DEF6: variants seen among roughly 807,000 people sequenced by gnomAD.
The protein encoded by DEF6 is differentially expressed in FDCP 6 homolog.
In DEF6, 32 loss-of-function variants were observed where a neutral mutation model predicts 80.5. The observed-to-expected ratio is 0.40, with a 90% CI of 0.30 to 0.53. The LOEUF is 0.53. Among genes scored for constraint, DEF6 ranks in the 20% least tolerant of loss-of-function variants. The pLI is 0.57. For synonymous variants in DEF6, 300 were observed against 337.9 expected (o/e 0.89, Z 1.23); for missense variants, 575 against 818.7 (o/e 0.70, Z 3.63).
chr6:35,310,074 C>T (rs772846598), intron 2 of DEF6, among the ~76,000 whole-genome samples: 2 of 152,038 alleles, frequency 1.3e-5, no homozygotes, highest in Non-Finnish European at 2.9e-5. Flanking sequence ...AATCCCTGCC[C>T]GGCCCTCCTC....
chr6:35,306,830 A>G (rs143244741), intron 1 of DEF6, among the ~76,000 whole-genome samples: 218 of 152,354 alleles, frequency 1.4e-3, no homozygotes, highest in African/African-American at 4.3e-3. Context: ...TGCACTATGC[A>G]CCAGGTACTC....
chr6:35,321,023 A>T, intron 10 of DEF6, 49 bp downstream of exon 10: 1 of 1,603,490 alleles, frequency 6.2e-7, no homozygotes, highest in Non-Finnish European at 8.5e-7. Flanking sequence ...GGAGGGAGAA[A>T]GGAGGGAGAA....
chr6:35,300,077 A>G (rs1791295017), intron 1 of DEF6, among the ~76,000 whole-genome samples: 1 of 152,194 alleles, frequency 6.6e-6, no homozygotes, highest in African/African-American at 2.4e-5. Flanking sequence ...GCTGGAGTGC[A>G]GTGGTGCAGT....
chr6:35,301,744 T>TTTTA (rs3045131), intron 1 of DEF6, among the ~76,000 whole-genome samples: 1 of 150,958 alleles, frequency 6.6e-6, no homozygotes, highest in Non-Finnish European at 1.5e-5. Context: ...TTTTTTTTTT[T>TTTTA]AAGACAGAGT....
chr6:35,298,867 G>A (rs182759710), intron 1 of DEF6, among the ~76,000 whole-genome samples: 103 of 152,284 alleles, frequency 6.8e-4, no homozygotes, highest in African/African-American at 2.3e-3. Context: ...CCCCTCGTGA[G>A]GCTCTGTGCC....
In DEF6 at chr6:35,312,581, G is replaced by T. The variant is rs1791482175; in HGVS notation, c.660+43G>T. The T allele has an allele frequency of 5.0e-6, 8 of 1,614,130 alleles. No homozygotes were observed. Among genetic ancestry groups the T allele is most frequent in the East Asian group, 2.2e-5 (1 of 44,884 alleles). ...CTAGGGGAAGCACACAAGGTGCAGGGCGAAGGGGGGCCTGGGAAGCCTCTG... is the reference window on the plus strand; with the variant it reads ...CTAGGGGAAGCACACAAGGTGCAGGTCGAAGGGGGGCCTGGGAAGCCTCTG... On this transcript the variant is annotated intron_variant, in intron 4 of 10. Coordinates refer to ENST00000316637, the MANE Select transcript of DEF6 (RefSeq NM_022047.4). The surrounding 1 kb of genome is among the most constrained non-coding windows in gnomAD (Gnocchi z 6.6).
chr6:35,310,730 C>A, intron 3 of DEF6, 86 bp downstream of exon 3: 1 of 1,349,164 alleles, frequency 7.4e-7, no homozygotes, highest in Non-Finnish European at 1.1e-6. Flanking sequence ...ACCTTTGGTG[C>A]CTTCCCATAT....
In DEF6 at chr6:35,319,784, C is replaced by T. The variant is rs1562151026; in HGVS notation, c.1383-35C>T. 1 of 1,608,726 alleles carries T rather than the reference C, an allele frequency of 6.2e-7. No individual in the cohort carries two copies. The highest frequency in any genetic ancestry group is 8.5e-7 in the Non-Finnish European group (1 of 1,177,356). On this transcript the variant is annotated intron_variant, in intron 8 of 10. Transcript: ENST00000316637. This position sits in a 1 kb window ranked among gnomAD's most constrained non-coding sequence, Gnocchi z 4.5. ...GCTGTGCACCTGCAAGGTGCCTTGGCACTAGAGGCTACACAGTACACACTC... is the reference window on the plus strand; with the variant it reads ...GCTGTGCACCTGCAAGGTGCCTTGGTACTAGAGGCTACACAGTACACACTC...
At chr6:35,301,502 A>G (rs1791314262) in intron 1 of DEF6, among the ~76,000 whole-genome samples, 1 of 152,188 alleles carries the variant, frequency 6.6e-6, no homozygotes, top group Non-Finnish European at 1.5e-5. Flanking sequence ...TACCTCAAGT[A>G]GGTAAAATTG....
At chr6:35,303,353 C>T (rs1014298136) in intron 1 of DEF6, among the ~76,000 whole-genome samples, 4 of 152,134 alleles carry the variant, frequency 2.6e-5, no homozygotes, top group African/African-American at 9.7e-5. Flanking sequence ...TCTCCTAAGA[C>T]TCCCTTTTTA....
chr6:35,304,694 A>G (rs1191326317), intron 1 of DEF6, among the ~76,000 whole-genome samples: 1 of 152,140 alleles, frequency 6.6e-6, no homozygotes, highest in Non-Finnish European at 1.5e-5. Flanking sequence ...AGAAACATTC[A>G]GTGAATGGGG....
Position 35,312,740 on chromosome 6 carries a change from A to T in DEF6, c.775A>T (p.Ile259Phe). The change falls in exon 5 of 11, where the codon ATT becomes TTT. Residue 259 changes from isoleucine to phenylalanine, a missense_variant. By Grantham distance (21) the Ile-to-Phe change is conservative. Transcript: ENST00000316637. This position sits in a 1 kb window ranked among gnomAD's most constrained non-coding sequence, Gnocchi z 6.6. ...GSEECKEKRG[I>F]IPLDAHCCVE... Reference sequence around the variant, plus strand: ...TGAAGAGTGCAAAGAGAAAAGGGGCATTATCCCGCTGGATGCACACTGCTG... The same window carrying T: ...TGAAGAGTGCAAAGAGAAAAGGGGCTTTATCCCGCTGGATGCACACTGCTG... 1 of 1,609,986 alleles carries T rather than the reference A, an allele frequency of 6.2e-7. No individual in the cohort carries two copies. The highest frequency in any genetic ancestry group is 8.5e-7 in the Non-Finnish European group (1 of 1,177,892).
Position 35,321,513 on chromosome 6 carries a change from C to T in DEF6, c.*103C>T. On this transcript the variant is annotated 3_prime_UTR_variant, in exon 11 of 11. Transcript: ENST00000316637. ...TCTTACTAGGAGAGGGAGCTGAGGT[C>T]CTGGTGCCAGGGGCCCAGGCCCTCC... 3.5e-6 allele frequency: 4 copies of T among 1,146,666 alleles called. No individual in the cohort carries two copies. The highest frequency in any genetic ancestry group is 4.9e-6 in the Non-Finnish European group (4 of 809,802). The allele number at this position is 1,146,666 out of a possible 1,614,324, so 71.0% of individuals were successfully genotyped here. A position where few individuals can be genotyped will look rare whatever the true frequency, so the allele number is the denominator to read the frequency against.
In DEF6 at chr6:35,310,537, G is replaced by C. The variant is rs202091466; in HGVS notation, c.316G>C (p.Asp106His). 138 of 1,614,088 alleles carry C rather than the reference G, an allele frequency of 8.5e-5. No homozygotes were observed. Among genetic ancestry groups the C allele is most frequent in the Middle Eastern group, 3.3e-4 (2 of 6,084 alleles). ...GACGGCCAAGAAGAACTATCGGGCA[G>C]ATAGCAACGGGAACAGTATGCTCTC... is the stretch of plus-strand genomic sequence containing the variant. Reference protein sequence around the residue: ...TLTAKKNYRADSNGNSMLSNQ... With the variant: ...TLTAKKNYRAHSNGNSMLSNQ... Residue 106 changes from aspartate to histidine, a missense_variant, in exon 3 of 11, where the codon GAT becomes CAT. Asp to His is a moderately conservative substitution (Grantham distance 81, BLOSUM62 -1). Coordinates refer to ENST00000316637, the MANE Select transcript of DEF6 (RefSeq NM_022047.4).
chr6:35,314,822 T>A (rs1409633772), intron 5 of DEF6, among the ~76,000 whole-genome samples: 1 of 66,694 alleles, frequency 1.5e-5, no homozygotes, highest in East Asian at 3.5e-4. Context: ...TTTTGAGGTC[T>A]TCCACAAAAA....
In DEF6 at chr6:35,319,004, G is replaced by A. The variant is rs1791555773; in HGVS notation, c.1216-520G>A. On this transcript the variant is annotated intron_variant, in intron 7 of 10. Transcript: ENST00000316637. This position sits in a 1 kb window ranked among gnomAD's most constrained non-coding sequence, Gnocchi z 4.5. ...TTACGAGCCCCGTGATCCCAGGCAA[G>A]TTCATTTTACTGAGCCTTATCAGTA... Among the ~76,000 whole-genome samples the A allele has an allele frequency of 6.6e-6, 1 of 152,102 alleles. No homozygotes were observed. The highest frequency in any genetic ancestry group is 1.5e-5 in the Non-Finnish European group (1 of 68,018).
In DEF6 at chr6:35,312,130, C is replaced by T. The variant is rs1221588595; in HGVS notation, c.424-172C>T. Among the ~76,000 whole-genome samples the T allele has an allele frequency of 6.6e-6, 1 of 152,098 alleles. No homozygotes were observed. Among genetic ancestry groups the T allele is most frequent in the African/African-American group, 2.4e-5 (1 of 41,398 alleles). The stretch of plus-strand genomic sequence containing the variant: ...TGAGTTGGGGTTGGGGCTCCAGGAT[C>T]CTCTCCCAGGTCTTTTCCCTGGCTC... On this transcript the variant is annotated intron_variant, in intron 3 of 10. Transcript: ENST00000316637. This position sits in a 1 kb window ranked among gnomAD's most constrained non-coding sequence, Gnocchi z 6.6.
rs2395617 is a variant in DEF6, at chr6:35,317,943, A to C, written c.860A>C (p.Asn287Thr). 1,430,867 of 1,613,814 alleles carry C rather than the reference A, an allele frequency of 0.89. 635,359 individuals carry two copies. Among genetic ancestry groups the C allele is most frequent in the East Asian group, 1 (44,700 of 44,850 alleles). ...TGCATGTTCTGTGTGAAGACAGCCAACCGCACGTATGAGATGAGCGCCTCA... is the reference window on the plus strand; with the variant it reads ...TGCATGTTCTGTGTGAAGACAGCCACCCGCACGTATGAGATGAGCGCCTCA... ...KRCMFCVKTA[N>T]RTYEMSASDT... The change falls in exon 6 of 11, where the codon AAC (asparagine) becomes ACC (threonine). Residue 287 changes from asparagine to threonine, a missense_variant. Physicochemically the swap from Asn to Thr is moderately conservative, Grantham distance 65 (BLOSUM62 0). Transcript: ENST00000316637.
At chr6:35,321,006 G>A (rs1414318244) in intron 10 of DEF6, 32 bp downstream of exon 10, 1 of 1,608,380 alleles carries the variant, frequency 6.2e-7, no homozygotes, top group African/African-American at 1.3e-5. Context: ...AGCTTTCCCT[G>A]GAGCTGGGAG....
Sources: gnomAD v4.1 joint callset for allele counts (sites outside exome capture counted in the v4.1 genomes callset) on GRCh38, gnomAD v4.1.1 for gene constraint, Gnocchi (gnomAD v3.1) non-coding constraint, MANE v1.5 for transcripts, NCBI Gene and HGNC (gene_info 2026-07-23, HGNC 2026-07-21) for gene names.